The following ALPK2 variants were observed in gnomAD, a reference collection of about 807,000 sequenced individuals.
ALPK2 encodes the protein alpha-protein kinase 2.
In ALPK2, 127 loss-of-function variants were observed where a neutral mutation model predicts 163.1. The observed-to-expected ratio is 0.78, with a 90% CI of 0.67 to 0.90. ALPK2 has a LOEUF of 0.90. ALPK2 is among the 40% of genes least tolerant of loss of function. ALPK2 has a pLI of 0.00. For missense variants in ALPK2, 2,360 were observed against 2,589.6 expected (o/e 0.91, Z 1.92); for synonymous variants, 953 against 959.1 (o/e 0.99, Z 0.12).
chr18:58,490,085 G>A (rs540949980), intron 12 of ALPK2, among the ~76,000 whole-genome samples: 1 of 151,702 alleles, frequency 6.6e-6, no homozygotes. Context: ...AAAAAAGAAA[G>A]AAAAAAAGAA....
At chr18:58,490,628 G>GA (rs1241209119) in intron 12 of ALPK2, among the ~76,000 whole-genome samples, 95 of 142,092 alleles carry the variant, frequency 6.7e-4, no homozygotes, top group Middle Eastern at 3.6e-3. Flanking sequence ...CCTGGCTGGA[G>GA]AAAAAAAAAA....
chr18:58,552,806 A>G (rs1047301826), intron 4 of ALPK2, among the ~76,000 whole-genome samples: 4 of 152,186 alleles, frequency 2.6e-5, no homozygotes, highest in Admixed American at 2.6e-4. Context: ...AGCCTGGGCT[A>G]CCGTGGTGGC....
intron 3 of ALPK2, among the ~76,000 whole-genome samples, chr18:58,596,501 C>T (rs982375290): frequency 6.6e-6 from 1 of 152,216 alleles, no homozygotes; most frequent in African/African-American, 2.4e-5. Flanking sequence ...GCAGCCGCCG[C>T]AGGGAATGGG....
At position 58,486,044 on chromosome 18, in the gene ALPK2, G is replaced by A. The variant is rs145220802; in HGVS notation, c.6297-4005C>T. Among the ~76,000 whole-genome samples, 334 of 152,338 alleles carry A rather than the reference G, an allele frequency of 2.2e-3. 1 individual carries two copies. Among genetic ancestry groups the A allele is most frequent in the African/African-American group, 7.8e-3 (324 of 41,570 alleles). On this transcript the variant is annotated intron_variant, in intron 12 of 12. Coordinates refer to ENST00000361673, the MANE Select transcript of ALPK2 (RefSeq NM_052947.4). Reference sequence around the variant, plus strand: ...CCCTTGCCGGCAGGTGTTAATGCCAGGTAAAAAGAGAGCCCCTGTCTAATA... The same window carrying A: ...CCCTTGCCGGCAGGTGTTAATGCCAAGTAAAAAGAGAGCCCCTGTCTAATA...
At chr18:58,498,766 G>A (rs960385440) in intron 11 of ALPK2, among the ~76,000 whole-genome samples, 3 of 152,172 alleles carry the variant, frequency 2.0e-5, no homozygotes, top group African/African-American at 7.2e-5. Context: ...CTCTCATTCT[G>A]TCTGTGGCCT....
At chr18:58,584,627 C>T (rs2051976495) in intron 3 of ALPK2, among the ~76,000 whole-genome samples, 1 of 152,222 alleles carries the variant, frequency 6.6e-6, no homozygotes, top group African/African-American at 2.4e-5. Flanking sequence ...GAGTAATGGG[C>T]ACCGTGGTGC....
rs142649434 is a variant in ALPK2, at chr18:58,564,104, C to T, written c.1962+14710G>A. Among the ~76,000 whole-genome samples the T allele has an allele frequency of 2.2e-5, 3 of 133,936 alleles. 1 individual carries two copies. Among genetic ancestry groups the T allele is most frequent in the South Asian group, 5.0e-4 (2 of 4,016 alleles). 87.9% of individuals were successfully genotyped at this position (133,936 alleles called of 152,430 possible). A position where few individuals can be genotyped will look rare whatever the true frequency, so the allele number is the denominator to read the frequency against. ...AGTTTATGATGAATTTCATGAATTGCGTATTTGATGTCTTTGTTCTTTTTT... is the reference window on the plus strand; with the variant it reads ...AGTTTATGATGAATTTCATGAATTGTGTATTTGATGTCTTTGTTCTTTTTT... On this transcript the variant is annotated intron_variant, in intron 4 of 12. Coordinates refer to ENST00000361673, the MANE Select transcript of ALPK2 (RefSeq NM_052947.4).
At chr18:58,557,529 T>C (rs1470438898) in intron 4 of ALPK2, among the ~76,000 whole-genome samples, 2 of 152,146 alleles carry the variant, frequency 1.3e-5, no homozygotes, top group Non-Finnish European at 2.9e-5. Context: ...AGGACATATA[T>C]GGGAAATCTC....
chr18:58,578,736 A>ACACACACACGCGCGCGCGCG, intron 4 of ALPK2, 78 bp downstream of exon 4: 1 of 760,670 alleles, frequency 1.3e-6, no homozygotes, highest in Non-Finnish European at 2.0e-6. Context: ...AGGAAGAGAC[A>ACACACACACGCGCGCGCGCG]CACACACACA....
In ALPK2 at chr18:58,579,019, G is replaced by A. The variant is rs1242775793; in HGVS notation, c.1757C>T (p.Thr586Ile). ...ACTCCGACCAGTCGCTGCTGCTGTG[G>A]TGTGAGAAGTCTCTCTTTTATCACT... ...TQSDKRETSH[T>I]TAAATGRSSH... The change falls in exon 4 of 13, where the codon ACC becomes ATC. Residue 586 changes from threonine to isoleucine, a missense_variant. Physicochemically the swap from Thr to Ile is moderately conservative, Grantham distance 89. Transcript: ENST00000361673. 2.5e-5 allele frequency: 40 copies of A among 1,614,094 alleles called. No individual in the cohort carries two copies. Among genetic ancestry groups the A allele is most frequent in the Non-Finnish European group, 3.1e-5 (36 of 1,180,038 alleles).
At chr18:58,585,209 G>A (rs2051979190) in intron 3 of ALPK2, among the ~76,000 whole-genome samples, 1 of 151,992 alleles carries the variant, frequency 6.6e-6, no homozygotes. Context: ...AATAATTGAG[G>A]ACTTCAAAGA....
chr18:58,534,882 C>G lies in ALPK2; in HGVS notation c.5305G>C (p.Glu1769Gln), dbSNP rs1292774850. The G allele has an allele frequency of 1.9e-6, 3 of 1,613,568 alleles. No individual in the cohort carries two copies. The highest frequency in any genetic ancestry group is 2.7e-5 in the African/African-American group (2 of 74,828). ...GGCTTTTTTGGGTCTTGTTTCTCTTCTGTGTGTGATAATGATGTTTCGAGT... is the reference window on the plus strand; with the variant it reads ...GGCTTTTTTGGGTCTTGTTTCTCTTGTGTGTGTGATAATGATGTTTCGAGT... ...PKLETSLSHT[E>Q]EKQDPKKPSC... The change falls in exon 5 of 13, where the codon GAA becomes CAA. Residue 1769 changes from glutamate (E) to glutamine (Q), a missense_variant. By Grantham distance (29) the Glu-to-Gln change is conservative. Coordinates refer to ENST00000361673, the MANE Select transcript of ALPK2 (RefSeq NM_052947.4).
intron 8 of ALPK2, among the ~76,000 whole-genome samples, chr18:58,522,229 A>G (rs1234532549): frequency 6.6e-6 from 1 of 152,172 alleles, no homozygotes; most frequent in Non-Finnish European, 1.5e-5. Context: ...AGAGCTGATG[A>G]CGGGCGGCTC....
chr18:58,587,771 T>C (rs904135611), intron 3 of ALPK2, among the ~76,000 whole-genome samples: 2 of 151,846 alleles, frequency 1.3e-5, no homozygotes, highest in Admixed American at 1.3e-4. Context: ...ACAATATATA[T>C]ATAATGAGAG....
At chr18:58,573,264 G>GTATATATGTATATATGTA (rs1008468641) in intron 4 of ALPK2, among the ~76,000 whole-genome samples, 1,351 of 28,598 alleles carry the variant, frequency 0.047, 75 homozygotes, top group African/African-American at 0.12. Flanking sequence ...GTATATATGT[G>GTATATATGTATATATGTA]TATATATATG....
At chr18:58,569,373 C>G (rs1163043710) in intron 4 of ALPK2, among the ~76,000 whole-genome samples, 1 of 152,198 alleles carries the variant, frequency 6.6e-6, no homozygotes, top group African/African-American at 2.4e-5. Flanking sequence ...CTAAAGCTCC[C>G]AGGTGATTCC....
rs549563677 is a variant in ALPK2, at chr18:58,578,430, G to T, written c.1962+384C>A. ...TTTTTTCCCCCTTCTTCCTTTAAAG[G>T]CTACACCCAAAACATTTGCTTGAGA... On this transcript the variant is annotated intron_variant, in intron 4 of 12. Transcript: ENST00000361673. The T allele has an allele frequency of 6.7e-5, 11 of 165,360 alleles. No individual in the cohort carries two copies. In the South Asian group the frequency reaches 2.1e-3, roughly 31 times the overall value. 10.2% of individuals were successfully genotyped at this position (165,360 alleles called of 1,614,324 possible). A position where few individuals can be genotyped will look rare whatever the true frequency, so the allele number is the denominator to read the frequency against.
intron 11 of ALPK2, among the ~76,000 whole-genome samples, chr18:58,499,980 C>T (rs1011708050): frequency 6.6e-6 from 1 of 152,216 alleles, no homozygotes; most frequent in Non-Finnish European, 1.5e-5. Flanking sequence ...TCGGATTCAG[C>T]GTTATCTGCT....
intron 3 of ALPK2, among the ~76,000 whole-genome samples, chr18:58,599,072 C>T (rs2052055868): frequency 1.3e-5 from 2 of 152,152 alleles, no homozygotes; most frequent in South Asian, 4.1e-4. Context: ...GCATGATTTG[C>T]CCTGAGGAGT....
Sources: allele counts gnomAD v4.1 joint callset (sites outside exome capture counted in the v4.1 genomes callset), GRCh38; gene constraint gnomAD v4.1.1; transcripts MANE v1.5; gene names NCBI Gene and HGNC (gene_info 2026-07-23, HGNC 2026-07-21).